Variants in TMEM132B observed in about 807,000 individuals in gnomAD.
TMEM132B encodes the protein transmembrane protein 132B.
TMEM132B carries 18 observed loss-of-function variants against 90.8 expected under a neutral mutation model. The ratio of observed to expected loss-of-function variants is 0.20; its 90% CI spans 0.14 to 0.29. TMEM132B has a LOEUF of 0.29. TMEM132B is among the 10% of genes least tolerant of loss of function. The probability of loss-of-function intolerance (pLI) is 1.00; values close to 1 mark genes in which losing one functional copy is unlikely to be tolerated. For missense variants in TMEM132B, 1,096 were observed against 1,326.8 expected, an observed-to-expected ratio of 0.83 and a Z score of 2.70; for synonymous variants, 504 against 523.3, an observed-to-expected ratio of 0.96 and a Z score of 0.50.
intron 5 of TMEM132B, chr12:125,586,495 C>A (rs1008043231): frequency 7.2e-5 from 11 of 152,208 alleles, no homozygotes; most frequent in African/African-American, 2.7e-4. Context: ...TGGTCAATCA[C>A]AGTCCAAAAA....
intron 3 of TMEM132B, among the ~76,000 whole-genome samples, chr12:125,429,329 C>T (rs909364977): frequency 1.4e-4 from 21 of 151,516 alleles, no homozygotes; most frequent in Non-Finnish European, 2.5e-4. Context: ...CTTCCTAAGT[C>T]GCTGGGACTA....
At chr12:125,607,745 G>A (rs376636338) in intron 5 of TMEM132B, among the ~76,000 whole-genome samples, 1 of 152,110 alleles carries the variant, frequency 6.6e-6, no homozygotes, top group Admixed American at 6.5e-5. Context: ...ATACCCATTA[G>A]CAACTATTCC....
chr12:125,207,212 C>G (rs188107704), intron 1 of TMEM132B, among the ~76,000 whole-genome samples: 33 of 152,192 alleles, frequency 2.2e-4, no homozygotes, highest in Non-Finnish European at 4.6e-4. Context: ...AGCAGTGGGG[C>G]CGGTAGCACT....
At chr12:125,483,951 C>T (rs1053729755) in intron 3 of TMEM132B, among the ~76,000 whole-genome samples, 3 of 152,166 alleles carry the variant, frequency 2.0e-5, no homozygotes, top group South Asian at 4.1e-4. Flanking sequence ...GAAGGATTAA[C>T]CTAACATGAA....
chr12:125,502,935 T>C (rs1419254734), intron 3 of TMEM132B, among the ~76,000 whole-genome samples: 3 of 152,090 alleles, frequency 2.0e-5, no homozygotes, highest in African/African-American at 7.3e-5. Context: ...TGGCTTCTTT[T>C]TGATGTTCTG....
At chr12:125,327,385 T>C (rs1404039222) in intron 1 of TMEM132B, 1 of 152,378 alleles carries the variant, frequency 6.6e-6, no homozygotes, top group Non-Finnish European at 1.5e-5. Context: ...AATGCCTCTT[T>C]GTCTTTTCTT....
chr12:125,212,418 C>T (rs894087985), intron 1 of TMEM132B, among the ~76,000 whole-genome samples: 2 of 152,188 alleles, frequency 1.3e-5, no homozygotes, highest in African/African-American at 2.4e-5. Context: ...CTTGGCCGGG[C>T]GTGGTGGCTC....
At chr12:125,436,349 C>T (rs1390793839) in intron 3 of TMEM132B, among the ~76,000 whole-genome samples, 1 of 152,116 alleles carries the variant, frequency 6.6e-6, no homozygotes, top group African/African-American at 2.4e-5. Flanking sequence ...ATGCTCTCTT[C>T]CTGTTATGGA....
At chr12:125,550,475 C>T (rs1827544626) in intron 4 of TMEM132B, among the ~76,000 whole-genome samples, 1 of 152,122 alleles carries the variant, frequency 6.6e-6, no homozygotes, top group African/African-American at 2.4e-5. Context: ...TTTCTGTCTC[C>T]TGGCTGTACT....
intron 1 of TMEM132B, among the ~76,000 whole-genome samples, chr12:125,257,801 A>T (rs1874473539): frequency 6.6e-6 from 1 of 152,144 alleles, no homozygotes; most frequent in Non-Finnish European, 1.5e-5. Context: ...GACTGGGATG[A>T]TGTGGCCACA....
At chr12:125,591,642 A>T (rs1021902993) in intron 5 of TMEM132B, among the ~76,000 whole-genome samples, 12 of 152,206 alleles carry the variant, frequency 7.9e-5, no homozygotes, top group African/African-American at 2.9e-4. Flanking sequence ...GAGGCCAGAA[A>T]TCTGAAATCA....
At chr12:125,317,289 G>A (rs1276981842) in intron 1 of TMEM132B, among the ~76,000 whole-genome samples, 1 of 152,170 alleles carries the variant, frequency 6.6e-6, no homozygotes, top group African/African-American at 2.4e-5. Context: ...TGCGCACCGT[G>A]TGACTATTAG....
intron 1 of TMEM132B, among the ~76,000 whole-genome samples, chr12:125,256,601 G>A (rs1056960130): frequency 3.9e-5 from 6 of 152,194 alleles, no homozygotes; most frequent in Non-Finnish European, 5.9e-5. Context: ...TGAAATATTC[G>A]CCATCTGGCC....
chr12:125,443,394 C>G (rs1271457569), intron 3 of TMEM132B, among the ~76,000 whole-genome samples: 2 of 152,056 alleles, frequency 1.3e-5, no homozygotes, highest in African/African-American at 4.8e-5. Flanking sequence ...GTAGGATGGC[C>G]CCTTTCTCTG....
At chr12:125,508,820 C>T (rs1226964665) in intron 3 of TMEM132B, among the ~76,000 whole-genome samples, 1 of 150,316 alleles carries the variant, frequency 6.7e-6, no homozygotes, top group Non-Finnish European at 1.5e-5. Flanking sequence ...ACTCTGTCGC[C>T]CAGCCTGGAG....
chr12:125,634,860 G>T (rs913126664), intron 5 of TMEM132B, among the ~76,000 whole-genome samples: 12 of 152,144 alleles, frequency 7.9e-5, no homozygotes, highest in Non-Finnish European at 1.6e-4. Context: ...GGTCTTTTGT[G>T]GTACTGTAAG....
intron 1 of TMEM132B, among the ~76,000 whole-genome samples, chr12:125,296,418 C>T (rs900248925): frequency 5.9e-5 from 9 of 152,154 alleles, no homozygotes; most frequent in Admixed American, 1.3e-4. Context: ...GATGGCCTTC[C>T]GGGACCTCTC....
At position 125,282,027 on chromosome 12, in the gene TMEM132B, C is replaced by CAAAAAAAA. The variant is rs869083244; in HGVS notation, c.68-67399_68-67392dup. Reference sequence around the variant, plus strand: ...TGGCCAACACAGGGAGACTCCGTCTCAAAAAAAAAAAAAAAAAAAAAAAAA... The same window carrying CAAAAAAAA: ...TGGCCAACACAGGGAGACTCCGTCTCAAAAAAAAAAAAAAAAAAAAAAAAAAAAAAAAA... On this transcript the variant is annotated intron_variant, in intron 1 of 8. Coordinates refer to ENST00000682704, the MANE Select transcript of TMEM132B (RefSeq NM_001366854.1). 3.5e-3 allele frequency among the ~76,000 whole-genome samples: 56 copies of CAAAAAAAA among 16,056 alleles called. 2 individuals carry two copies. Among genetic ancestry groups the CAAAAAAAA allele is most frequent in the African/African-American group, 5.9e-3 (26 of 4,426 alleles). 10.5% of individuals were successfully genotyped at this position (16,056 alleles called of 152,430 possible).
At chr12:125,528,134 A>G (rs1481181237) in intron 4 of TMEM132B, among the ~76,000 whole-genome samples, 2 of 147,494 alleles carry the variant, frequency 1.4e-5, no homozygotes, top group African/African-American at 2.6e-5. Context: ...AAATGTGTCT[A>G]TTTCTTTTTT....
Sources: gnomAD v4.1 joint callset for allele counts (sites outside exome capture counted in the v4.1 genomes callset) on GRCh38, gnomAD v4.1.1 for gene constraint, MANE v1.5 for transcripts, NCBI Gene and HGNC (gene_info 2026-07-23, HGNC 2026-07-21) for gene names.